The following MAGI2 variants were observed in gnomAD, a reference collection of about 807,000 sequenced individuals.
The protein encoded by MAGI2 is membrane associated guanylate kinase, WW and PDZ domain containing 2.
A neutral mutation model predicts 133.3 loss-of-function variants in MAGI2; 35 were observed. That is an observed-to-expected ratio of 0.26 (90% CI 0.20 to 0.35). MAGI2 has a LOEUF of 0.35. Ranked by LOEUF, MAGI2 falls within the 10% of genes least tolerant of loss-of-function variation. The probability of loss-of-function intolerance (pLI) is 1.00; values close to 1 mark genes in which losing one functional copy is unlikely to be tolerated. For synonymous variants in MAGI2, 729 were observed against 710.6 expected (o/e 1.03, Z -0.41); for missense variants, 1,636 against 1,863.4 (o/e 0.88, Z 2.25).
At chr7:79,216,451 C>G (rs1339311006) in intron 1 of MAGI2, among the ~76,000 whole-genome samples, 2 of 151,826 alleles carry the variant, frequency 1.3e-5, no homozygotes, top group African/African-American at 4.8e-5. Context: ...AGGCAGAGGG[C>G]CCACTGAGCT....
intron 1 of MAGI2, among the ~76,000 whole-genome samples, chr7:79,291,109 T>C (rs1397145847): frequency 7.9e-6 from 1 of 126,112 alleles, no homozygotes. Flanking sequence ...CAAATACTAA[T>C]GTACTTTTTG....
chr7:79,196,572 A>G (rs1828099702), intron 1 of MAGI2, among the ~76,000 whole-genome samples: 1 of 152,012 alleles, frequency 6.6e-6, no homozygotes, highest in Admixed American at 6.6e-5. Flanking sequence ...TTCTTAGTAC[A>G]ATAGAATAAT....
rs150106247 is a variant in MAGI2, at chr7:79,331,525, A to G, written c.301+121495T>C. 8.5e-5 allele frequency among the ~76,000 whole-genome samples: 13 copies of G among 152,308 alleles called. No homozygotes were observed. In the East Asian group the frequency reaches 1.9e-3, roughly 23 times the overall value. ...GATTAACTCCCACACATTGACTATT[A>G]CATATAGATTGCATATTAAGGGTCT... is the stretch of plus-strand genomic sequence containing the variant. On this transcript the variant is annotated intron_variant, in intron 1 of 21. Transcript: ENST00000354212.
chr7:78,695,051 C>A (rs144564986), intron 2 of MAGI2, among the ~76,000 whole-genome samples: 7,828 of 152,088 alleles, frequency 0.051, 282 homozygotes, highest in Non-Finnish European at 0.077. Flanking sequence ...CGGTGAAACC[C>A]CGTCTCTACT....
chr7:79,046,098 A>G (rs1034126536), intron 1 of MAGI2, among the ~76,000 whole-genome samples: 1 of 152,168 alleles, frequency 6.6e-6, no homozygotes, highest in Non-Finnish European at 1.5e-5. Flanking sequence ...ATATTAAAAC[A>G]ATTTCAAAGA....
intron 20 of MAGI2, among the ~76,000 whole-genome samples, chr7:78,096,464 A>G (rs1321699353): frequency 1.3e-5 from 2 of 152,214 alleles, no homozygotes; most frequent in Non-Finnish European, 2.9e-5. Context: ...ATTAAAACTT[A>G]TTCAATAGGA....
At chr7:78,592,353 T>C (rs1804096556) in intron 3 of MAGI2, among the ~76,000 whole-genome samples, 4 of 151,738 alleles carry the variant, frequency 2.6e-5, no homozygotes, top group Admixed American at 2.6e-4. Flanking sequence ...TTTTTTTTTT[T>C]CCTGTAAAGG....
intron 1 of MAGI2, among the ~76,000 whole-genome samples, chr7:79,193,868 C>G (rs1436740972): frequency 6.6e-6 from 1 of 151,722 alleles, no homozygotes; most frequent in African/African-American, 2.4e-5. Flanking sequence ...GTACCCCAGG[C>G]AAAGAGAGGA....
At chr7:78,699,075 C>G (rs558429044) in intron 2 of MAGI2, among the ~76,000 whole-genome samples, 1 of 152,184 alleles carries the variant, frequency 6.6e-6, no homozygotes, top group South Asian at 2.1e-4. Flanking sequence ...GAGAGTGACA[C>G]CTTTGCTTTC....
At chr7:79,275,436 G>C (rs1585401391) in intron 1 of MAGI2, among the ~76,000 whole-genome samples, 1 of 152,258 alleles carries the variant, frequency 6.6e-6, no homozygotes, top group East Asian at 1.9e-4. Context: ...AGATAAGAAA[G>C]CTTAAGAAGA....
At chr7:78,678,935 C>A (rs1460639120) in intron 2 of MAGI2, among the ~76,000 whole-genome samples, 2 of 152,102 alleles carry the variant, frequency 1.3e-5, no homozygotes, top group Non-Finnish European at 2.9e-5. Context: ...GATCCCTCTC[C>A]TTCTCACCAA....
At chr7:78,293,616 C>T (rs1056855245) in intron 9 of MAGI2, among the ~76,000 whole-genome samples, 40 of 152,192 alleles carry the variant, frequency 2.6e-4, no homozygotes, top group Admixed American at 8.5e-4. Flanking sequence ...AGTCATGCTG[C>T]TATAAAGACA....
intron 1 of MAGI2, among the ~76,000 whole-genome samples, chr7:79,283,908 T>G (rs1835822173): frequency 6.6e-6 from 1 of 152,126 alleles, no homozygotes; most frequent in Admixed American, 6.6e-5. Context: ...TACCATATTT[T>G]TACTGTATCT....
intron 2 of MAGI2, among the ~76,000 whole-genome samples, chr7:78,865,041 G>A (rs187617989): frequency 1.3e-5 from 2 of 152,126 alleles, no homozygotes; most frequent in African/African-American, 4.8e-5. Context: ...GCTAATCAGG[G>A]CCTAGTGCTG....
intron 13 of MAGI2, among the ~76,000 whole-genome samples, chr7:78,182,276 C>G (rs1827257748): frequency 6.6e-6 from 1 of 152,138 alleles, no homozygotes; most frequent in Non-Finnish European, 1.5e-5. Context: ...TTTCTATGCA[C>G]TCCAGATATA....
chr7:79,413,373 A>G (rs904936729), intron 1 of MAGI2: 1 of 152,114 alleles, frequency 6.6e-6, no homozygotes, highest in Non-Finnish European at 1.5e-5. Flanking sequence ...CCACTCATAT[A>G]AAAGTGGCAG....
At chr7:78,998,532 A>T (rs184020955) in intron 2 of MAGI2, among the ~76,000 whole-genome samples, 1 of 152,234 alleles carries the variant, frequency 6.6e-6, no homozygotes, top group African/African-American at 2.4e-5. Context: ...CTCTTTTCTT[A>T]GTTTCATGTT....
chr7:78,802,780 G>T (rs1253828710), intron 2 of MAGI2, among the ~76,000 whole-genome samples: 3 of 151,918 alleles, frequency 2.0e-5, no homozygotes, highest in East Asian at 1.9e-4. Context: ...TGTCTTGTAG[G>T]TTCATCAATT....
intron 2 of MAGI2, among the ~76,000 whole-genome samples, chr7:78,655,748 G>A (rs1278016068): frequency 2.6e-5 from 4 of 152,042 alleles, no homozygotes; most frequent in South Asian, 2.1e-4. Context: ...TTGGGAGGCC[G>A]AGGCGGGCGG....
Sources: allele counts gnomAD v4.1 joint callset (sites outside exome capture counted in the v4.1 genomes callset), GRCh38; gene constraint gnomAD v4.1.1; transcripts MANE v1.5; gene names NCBI Gene and HGNC (gene_info 2026-07-23, HGNC 2026-07-21).